Variants in RPS6KB1 observed in about 807,000 individuals in gnomAD.
RPS6KB1 encodes the protein ribosomal protein S6 kinase B1, also known as ribosomal protein S6 kinase beta-1.
A neutral mutation model predicts 70.2 loss-of-function variants in RPS6KB1; 12 were observed. That is an observed-to-expected ratio of 0.17 (90% CI 0.11 to 0.28). The LOEUF (loss-of-function observed/expected upper bound fraction) is 0.28, where lower values mean the gene tolerates loss of function less well. Ranked by LOEUF, RPS6KB1 falls within the 10% of genes least tolerant of loss-of-function variation. RPS6KB1 has a pLI of 1.00. For missense variants in RPS6KB1, 270 were observed against 646.6 expected, an observed-to-expected ratio of 0.42 and a Z score of 6.32; for synonymous variants, 175 against 211.2, an observed-to-expected ratio of 0.83 and a Z score of 1.49.
Position 59,946,458 on chromosome 17 carries a change from T to C in RPS6KB1, c.1341-93T>C. On this transcript the variant is annotated intron_variant, in intron 14 of 14. Coordinates refer to ENST00000225577, the MANE Select transcript of RPS6KB1 (RefSeq NM_003161.4). The surrounding 1 kb of genome is among the most constrained non-coding windows in gnomAD (Gnocchi z 4.2). The stretch of plus-strand genomic sequence containing the variant: ...AAATAAAATTAAATGAAAATAAATG[T>C]CATGTTACCCCACTCCCTTTAAACG... 1.1e-6 allele frequency: 1 copy of C among 952,212 alleles called. No individual in the cohort carries two copies. The highest frequency in any genetic ancestry group is 1.6e-6 in the Non-Finnish European group (1 of 611,080). 59.0% of individuals were successfully genotyped at this position (952,212 alleles called of 1,614,324 possible).
rs1415771859 is a variant in RPS6KB1 at position 59,945,506 on chromosome 17, G to A, written c.1328G>A (p.Arg443Gln). ...RSPRRFIGSP[R>Q]TPVSPVKFSP... ...CCTCGAAGATTTATTGGCAGCCCAC[G>A]AACACCTGTCAGGTATTTCACACTC... The change falls in exon 14 of 15, where the codon CGA becomes CAA. Residue 443 changes from arginine to glutamine, a missense_variant. Physicochemically the swap from Arg to Gln is conservative, Grantham distance 43. Transcript: ENST00000225577. The A allele has an allele frequency of 2.5e-6, 4 of 1,591,624 alleles. No homozygotes were observed. The highest frequency in any genetic ancestry group is 1.1e-5 in the South Asian group (1 of 90,482).
chr17:59,926,308 CTAGTGGGAACTATGGTTAA>C (rs1330790688), intron 4 of RPS6KB1, 108 bp from the exon 5 acceptor site: 1 of 702,302 alleles, frequency 1.4e-6, no homozygotes, highest in East Asian at 2.9e-5. Context: ...ATCTCAGTTT[CTAGTGGGAACTATGGTTAA>C]TAGTTCAATA....
At chr17:59,908,614 T>A (rs928833117) in intron 1 of RPS6KB1, among the ~76,000 whole-genome samples, 10 of 69,412 alleles carry the variant, frequency 1.4e-4, no homozygotes, top group East Asian at 5.7e-4. Flanking sequence ...GTAAAAAAAA[T>A]TTTTTTTTTT....
chr17:59,922,339 C>A (rs1043233009), intron 4 of RPS6KB1, among the ~76,000 whole-genome samples: 2 of 152,030 alleles, frequency 1.3e-5, no homozygotes, highest in Admixed American at 6.6e-5. Context: ...CCGTTCCCGG[C>A]CTCTTTTTCC....
chr17:59,915,655 G>A (rs2042902415), intron 4 of RPS6KB1, among the ~76,000 whole-genome samples: 1 of 150,062 alleles, frequency 6.7e-6, no homozygotes, highest in African/African-American at 2.5e-5. Context: ...TAGTGTAGAC[G>A]GGGTTTCACC....
chr17:59,930,075 A>C, intron 5 of RPS6KB1, 42 bp from the exon 6 acceptor site: 1 of 1,032,600 alleles, frequency 9.7e-7, no homozygotes, highest in Non-Finnish European at 1.5e-6. Context: ...GGTTGGAAAT[A>C]AATATTGTTT....
chr17:59,907,637 C>G lies in RPS6KB1; in HGVS notation c.142-2925C>G, dbSNP rs564699522. Reference sequence around the variant, plus strand: ...CATTGTAGCCATGACCTCCTGCACTCAAGTGATCCTGCCACCTCAGCCTCC... The same window carrying G: ...CATTGTAGCCATGACCTCCTGCACTGAAGTGATCCTGCCACCTCAGCCTCC... On this transcript the variant is annotated intron_variant, in intron 1 of 14. Transcript: ENST00000225577. Among the ~76,000 whole-genome samples the G allele has an allele frequency of 2.7e-4, 41 of 151,746 alleles. 1 individual carries two copies. The highest frequency in any genetic ancestry group is 5.3e-4 in the Non-Finnish European group (36 of 67,966).
intron 1 of RPS6KB1, among the ~76,000 whole-genome samples, chr17:59,904,946 C>G (rs1343639464): frequency 6.6e-6 from 1 of 152,042 alleles, no homozygotes; most frequent in East Asian, 1.9e-4. Flanking sequence ...CTGTCTGTCT[C>G]AGCCTCACAA....
intron 1 of RPS6KB1, among the ~76,000 whole-genome samples, chr17:59,908,392 G>A (rs2042395323): frequency 6.6e-6 from 1 of 151,380 alleles, no homozygotes; most frequent in Non-Finnish European, 1.5e-5. Flanking sequence ...GTAGAGACGG[G>A]GTTTCACCAT....
chr17:59,913,561 T>C (rs1316617141), intron 3 of RPS6KB1, among the ~76,000 whole-genome samples: 1 of 152,140 alleles, frequency 6.6e-6, no homozygotes, highest in African/African-American at 2.4e-5. Flanking sequence ...TGTCTTTCAG[T>C]ATGGGGGAGG....
rs1052423469 is a variant in RPS6KB1, at chr17:59,934,311, CT to C, written c.779+52del. ...GTTTGGGGGTAATAGCTAATTTTACCTGTTTTAAGGAATAGTATCTGTTTTC... is the reference window on the plus strand; with the variant it reads ...GTTTGGGGGTAATAGCTAATTTTACCGTTTTAAGGAATAGTATCTGTTTTC... On this transcript the variant is annotated intron_variant, in intron 8 of 14. Transcript: ENST00000225577. This position sits in a 1 kb window ranked among gnomAD's most constrained non-coding sequence, Gnocchi z 4.8. 2.0e-6 allele frequency: 3 copies of C among 1,473,174 alleles called. No individual in the cohort carries two copies. In the African/African-American group the frequency reaches 4.2e-5, roughly 20 times the overall value. The allele number at this position is 1,473,174 out of a possible 1,614,324, so 91.3% of individuals were successfully genotyped here. A position where few individuals can be genotyped will look rare whatever the true frequency, so the allele number is the denominator to read the frequency against.
intron 1 of RPS6KB1, among the ~76,000 whole-genome samples, chr17:59,899,895 T>A (rs758819266): frequency 6.6e-6 from 1 of 152,100 alleles, no homozygotes; most frequent in Non-Finnish European, 1.5e-5. Flanking sequence ...CTGGGTATGA[T>A]AGCTCGTGCC....
At chr17:59,928,715 A>G (rs895713317) in intron 5 of RPS6KB1, among the ~76,000 whole-genome samples, 3 of 152,228 alleles carry the variant, frequency 2.0e-5, no homozygotes, top group Non-Finnish European at 4.4e-5. Flanking sequence ...ATGATCAGAA[A>G]TAGGAAATTA....
intron 2 of RPS6KB1, among the ~76,000 whole-genome samples, chr17:59,911,965 C>A (rs1480260429): frequency 7.2e-5 from 11 of 152,102 alleles, no homozygotes; most frequent in Admixed American, 6.6e-4. Flanking sequence ...ATGATGTGAA[C>A]TAATTGGGTA....
At chr17:59,896,833 C>A (rs2041594498) in intron 1 of RPS6KB1, among the ~76,000 whole-genome samples, 1 of 151,390 alleles carries the variant, frequency 6.6e-6, no homozygotes, top group Admixed American at 6.6e-5. Context: ...CTAAGAGGTG[C>A]CTCAAGATGG....
At chr17:59,894,435 G>A (rs1206202634) in intron 1 of RPS6KB1, among the ~76,000 whole-genome samples, 1 of 152,132 alleles carries the variant, frequency 6.6e-6, no homozygotes, top group East Asian at 1.9e-4. Flanking sequence ...GGTTAATGAC[G>A]TCAGATGTTT....
chr17:59,917,723 C>T (rs1001948136), intron 4 of RPS6KB1, among the ~76,000 whole-genome samples: 2 of 152,178 alleles, frequency 1.3e-5, no homozygotes, highest in African/African-American at 4.8e-5. Context: ...AGGCATGTGC[C>T]ACTGTGCCCA....
chr17:59,937,439 C>T (rs1368252173), intron 12 of RPS6KB1, among the ~76,000 whole-genome samples: 1 of 152,186 alleles, frequency 6.6e-6, no homozygotes, highest in Admixed American at 6.5e-5. Flanking sequence ...TTTATTATCT[C>T]ATAGATCTGG....
At chr17:59,915,775 CTTTTT>C (rs71370143) in intron 4 of RPS6KB1, among the ~76,000 whole-genome samples, 121 of 77,912 alleles carry the variant, frequency 1.6e-3, no homozygotes, top group Non-Finnish European at 1.9e-3. Context: ...CTACTGCTAT[CTTTTT>C]TTTTTTTTTT....
Sources: allele counts gnomAD v4.1 joint callset (sites outside exome capture counted in the v4.1 genomes callset), GRCh38; gene constraint gnomAD v4.1.1; non-coding constraint Gnocchi (gnomAD v3.1); transcripts MANE v1.5; gene names NCBI Gene and HGNC (gene_info 2026-07-23, HGNC 2026-07-21).